The following ITPK1 variants were observed in gnomAD, a reference collection of about 807,000 sequenced individuals.
ITPK1 encodes the protein inositol-tetrakisphosphate 1-kinase.
In ITPK1, 21 loss-of-function variants were observed where a neutral mutation model predicts 45.3. That is an observed-to-expected ratio of 0.46 (90% CI 0.33 to 0.67). The LOEUF (loss-of-function observed/expected upper bound fraction) is 0.67. Among genes scored for constraint, ITPK1 ranks in the 30% least tolerant of loss-of-function variants. The pLI is 0.02. For missense variants in ITPK1, 474 were observed against 573.5 expected (o/e 0.83, Z 1.77); for synonymous variants, 258 against 253.6 (o/e 1.02, Z -0.16).
chr14:93,096,717 T>TTGGAATGTTCAAGAATGTAGGGGC (rs1260415891), intron 2 of ITPK1, among the ~76,000 whole-genome samples: 19 of 152,160 alleles, frequency 1.2e-4, no homozygotes, highest in African/African-American at 4.3e-4. Context: ...GCTCTCCCAG[T>TTGGAATGTTCAAGAATGTAGGGGC]TGGAATGTTC....
intron 5 of ITPK1, among the ~76,000 whole-genome samples, chr14:92,968,829 G>A (rs1218386712): frequency 2.0e-5 from 3 of 152,208 alleles, no homozygotes; most frequent in African/African-American, 7.2e-5. Context: ...CTGCTCTGGC[G>A]TGGGGTGGGG....
chr14:92,969,090 G>C (rs1239978865), intron 5 of ITPK1, among the ~76,000 whole-genome samples: 1 of 152,138 alleles, frequency 6.6e-6, no homozygotes, highest in Non-Finnish European at 1.5e-5. Flanking sequence ...CCCATGAAGT[G>C]AGAGTAAATA....
In ITPK1 at chr14:92,938,639, G is replaced by C; in HGVS notation, c.*2922C>G. The C allele has an allele frequency of 1.1e-6, 1 of 870,800 alleles. No individual in the cohort carries two copies. The highest frequency in any genetic ancestry group is 1.4e-5 in the South Asian group (1 of 69,468). 53.9% of individuals were successfully genotyped at this position (870,800 alleles called of 1,614,324 possible). On this transcript the variant is annotated 3_prime_UTR_variant, in exon 11 of 11. Coordinates refer to ENST00000267615, the MANE Select transcript of ITPK1 (RefSeq NM_014216.6). Reference sequence around the variant, plus strand: ...CCATGGAACCTGCCAGGTTGCAGCTGGGTCCAATCCCGCCGGCCATGCTGG... The same window carrying C: ...CCATGGAACCTGCCAGGTTGCAGCTCGGTCCAATCCCGCCGGCCATGCTGG...
intron 3 of ITPK1, among the ~76,000 whole-genome samples, chr14:93,033,903 G>A (rs1889189238): frequency 6.6e-6 from 1 of 152,158 alleles, no homozygotes; most frequent in African/African-American, 2.4e-5. Flanking sequence ...GGAGGAGACA[G>A]AAAGAGAAGC....
chr14:93,044,584 GAC>G (rs1341090144), intron 3 of ITPK1, among the ~76,000 whole-genome samples: 1 of 152,184 alleles, frequency 6.6e-6, no homozygotes, highest in Admixed American at 6.5e-5. Context: ...GTAAAGGACT[GAC>G]AGCCAGCCAT....
Position 92,958,526 on chromosome 14 carries a change from G to A in ITPK1, c.505-160C>T, listed in dbSNP as rs1403266464. 6.6e-6 allele frequency among the ~76,000 whole-genome samples: 1 copy of A among 152,234 alleles called. No homozygotes were observed. Among genetic ancestry groups the A allele is most frequent in the East Asian group, 1.9e-4 (1 of 5,192 alleles). ...GGAGCCTTGAGCCAGGGTGAGTGGA[G>A]TGGGACTTGTGAAGAACACCTGGGG... On this transcript the variant is annotated intron_variant, in intron 7 of 10. Transcript: ENST00000267615. The surrounding 1 kb of genome is among the most constrained non-coding windows in gnomAD (Gnocchi z 4.4).
At chr14:92,954,962 C>A (rs1884616034) in intron 8 of ITPK1, among the ~76,000 whole-genome samples, 1 of 152,222 alleles carries the variant, frequency 6.6e-6, no homozygotes, top group African/African-American at 2.4e-5. Context: ...TTTCTTATTT[C>A]TCTCCTTGTG....
At chr14:92,962,685 C>T in intron 6 of ITPK1, 66 bp downstream of exon 6, 1 of 1,232,992 alleles carries the variant, frequency 8.1e-7, no homozygotes, top group African/African-American at 1.5e-5. Context: ...ATAAACCCAG[C>T]CCCTCCCCTA....
intron 3 of ITPK1, among the ~76,000 whole-genome samples, chr14:93,047,818 C>T (rs1595167428): frequency 6.6e-6 from 1 of 152,230 alleles, no homozygotes; most frequent in African/African-American, 2.4e-5. Flanking sequence ...CCAGCCAGCC[C>T]GACATCTGCT....
intron 2 of ITPK1, 113 bp downstream of exon 2, chr14:93,114,955 TC>T: frequency 1.8e-6 from 1 of 554,200 alleles, no homozygotes; most frequent in South Asian, 2.7e-5. Context: ...CGCCGCTTCT[TC>T]CCGTTTGGCT....
intron 2 of ITPK1, among the ~76,000 whole-genome samples, chr14:93,088,681 G>T (rs1479390674): frequency 6.6e-6 from 1 of 152,048 alleles, no homozygotes; most frequent in Non-Finnish European, 1.5e-5. Flanking sequence ...TGTAGAGACA[G>T]GGTCTCACTA....
chr14:93,105,937 T>C lies in ITPK1; in HGVS notation c.95+9132A>G, dbSNP rs1008223645. Among the ~76,000 whole-genome samples, 6 of 152,052 alleles carry C rather than the reference T, an allele frequency of 3.9e-5. No homozygotes were observed. In the East Asian group the frequency reaches 7.7e-4, roughly 20 times the overall value. On this transcript the variant is annotated intron_variant, in intron 2 of 10. Coordinates refer to ENST00000267615, the MANE Select transcript of ITPK1 (RefSeq NM_014216.6). ...CCAAGCTGGTCTTGAACTCCTGACCTCAGGTGATCCGCCCGCCTCAGCCTC... is the reference window on the plus strand; with the variant it reads ...CCAAGCTGGTCTTGAACTCCTGACCCCAGGTGATCCGCCCGCCTCAGCCTC...
chr14:92,976,841 A>C (rs1231969844), intron 5 of ITPK1, among the ~76,000 whole-genome samples: 1 of 152,268 alleles, frequency 6.6e-6, no homozygotes, highest in Non-Finnish European at 1.5e-5. Context: ...CCACTGCATA[A>C]TAGCCTTTGT....
intron 4 of ITPK1, among the ~76,000 whole-genome samples, chr14:93,005,969 G>C (rs1887593143): frequency 6.6e-6 from 1 of 152,198 alleles, no homozygotes; most frequent in Admixed American, 6.5e-5. Flanking sequence ...GGGCTGTGCA[G>C]CGAGGAAGAC....
intron 5 of ITPK1, among the ~76,000 whole-genome samples, chr14:92,967,209 T>C (rs143813909): frequency 2.0e-5 from 3 of 152,280 alleles, no homozygotes; most frequent in African/African-American, 7.2e-5. Context: ...ATCCGAAATA[T>C]ATAAAACACT....
chr14:92,946,458 G>C lies in ITPK1; in HGVS notation c.774C>G (p.Ser258Arg). The C allele has an allele frequency of 6.2e-7, 1 of 1,612,748 alleles. No homozygotes were observed. The highest frequency in any genetic ancestry group is 8.5e-7 in the Non-Finnish European group (1 of 1,179,892). ...GGGAGAGCTCCCGGATGACCTCGTC[G>C]CTCGGCCGCTCGAACACGCCCTCGA... is the stretch of plus-strand genomic sequence containing the variant. ...DKIEGVFERP[S>R]DEVIRELSRA... Residue 258 changes from serine to arginine, a missense_variant, in exon 10 of 11, where the codon AGC (serine) becomes AGG (arginine). Transcript: ENST00000267615.
chr14:93,105,263 C>T (rs1031610546), intron 2 of ITPK1, among the ~76,000 whole-genome samples: 5 of 152,200 alleles, frequency 3.3e-5, no homozygotes, highest in Non-Finnish European at 7.3e-5. Context: ...TCCAGCAAAC[C>T]TCCTGGAGGG....
At chr14:93,017,049 G>C (rs781364076) in intron 3 of ITPK1, among the ~76,000 whole-genome samples, 29 of 152,172 alleles carry the variant, frequency 1.9e-4, no homozygotes, top group Non-Finnish European at 5.9e-5. Context: ...TGTAACTTCT[G>C]TTCCCCAAGC....
intron 2 of ITPK1, among the ~76,000 whole-genome samples, chr14:93,107,950 C>T (rs753008131): frequency 4.6e-5 from 7 of 152,240 alleles, no homozygotes; most frequent in African/African-American, 7.2e-5. Flanking sequence ...TAATACACAC[C>T]GTGGGCCGCA....
Sources: allele counts gnomAD v4.1 joint callset (sites outside exome capture counted in the v4.1 genomes callset), GRCh38; gene constraint gnomAD v4.1.1; non-coding constraint Gnocchi (gnomAD v3.1); transcripts MANE v1.5; gene names NCBI Gene and HGNC (gene_info 2026-07-23, HGNC 2026-07-21).